Variants in ROBO1 observed in about 807,000 individuals in gnomAD.
ROBO1 encodes the protein roundabout guidance receptor 1.
A neutral mutation model predicts 195.9 loss-of-function variants in ROBO1; 149 were observed. The observed-to-expected ratio is 0.76, with a 90% CI of 0.67 to 0.87. ROBO1 has a LOEUF of 0.87. Ranked by LOEUF, ROBO1 falls within the 40% of genes least tolerant of loss-of-function variation. ROBO1 has a pLI of 0.00. For synonymous variants in ROBO1, 816 were observed against 733.2 expected (o/e 1.11, Z -1.82); for missense variants, 1,933 against 2,068.3 (o/e 0.93, Z 1.27).
intron 1 of ROBO1, among the ~76,000 whole-genome samples, chr3:79,683,831 C>T (rs1947021467): frequency 6.6e-6 from 1 of 151,964 alleles, no homozygotes; most frequent in Non-Finnish European, 1.5e-5. Context: ...ATACTGTATA[C>T]TGTGTATCTA....
intron 4 of ROBO1, among the ~76,000 whole-genome samples, chr3:78,830,226 C>T (rs2032031526): frequency 6.6e-6 from 1 of 152,174 alleles, no homozygotes. Flanking sequence ...CTACATTTCT[C>T]AGCATCAAAT....
chr3:78,985,313 A>G, intron 3 of ROBO1, among the ~76,000 whole-genome samples: 1 of 152,034 alleles, frequency 6.6e-6, no homozygotes, highest in East Asian at 1.9e-4. Flanking sequence ...AAATAATAAT[A>G]ATATTTTCTT....
chr3:79,516,788 A>G (rs1940963611), intron 2 of ROBO1, among the ~76,000 whole-genome samples: 1 of 152,240 alleles, frequency 6.6e-6, no homozygotes, highest in African/African-American at 2.4e-5. Context: ...TCTTGAATAT[A>G]TATTAATTCA....
intron 2 of ROBO1, among the ~76,000 whole-genome samples, chr3:79,545,934 G>C (rs978090760): frequency 1.3e-5 from 2 of 151,990 alleles, no homozygotes; most frequent in African/African-American, 4.8e-5. Context: ...GAATTGCATG[G>C]GTCCACTTAT....
intron 4 of ROBO1, among the ~76,000 whole-genome samples, chr3:78,795,394 T>C (rs2084154613): frequency 6.6e-6 from 1 of 152,222 alleles, no homozygotes; most frequent in African/African-American, 2.4e-5. Context: ...CCCTGGTTTA[T>C]ATTTCTTGAT....
chr3:78,827,858 C>G (rs958282441), intron 4 of ROBO1, among the ~76,000 whole-genome samples: 1 of 152,142 alleles, frequency 6.6e-6, no homozygotes, highest in Non-Finnish European at 1.5e-5. Flanking sequence ...ATCTTCTTTA[C>G]CAAAGTCTAC....
At chr3:79,618,809 T>C (rs1252128889) in intron 1 of ROBO1, among the ~76,000 whole-genome samples, 2 of 152,144 alleles carry the variant, frequency 1.3e-5, no homozygotes, top group Non-Finnish European at 2.9e-5. Flanking sequence ...CAATTTCAAA[T>C]TGGGTAAGTG....
intron 1 of ROBO1, among the ~76,000 whole-genome samples, chr3:79,663,717 T>C (rs908123131): frequency 1.3e-5 from 2 of 152,088 alleles, no homozygotes; most frequent in African/African-American, 4.8e-5. Flanking sequence ...TCTAGAGCAC[T>C]TGCCATAATC....
At chr3:79,426,966 T>C (rs190261785) in intron 2 of ROBO1, among the ~76,000 whole-genome samples, 42 of 152,268 alleles carry the variant, frequency 2.8e-4, no homozygotes, top group Admixed American at 2.1e-3. Flanking sequence ...ACAAAAAGTC[T>C]ATTAAAATTA....
chr3:79,304,226 G>C (rs1223872965), intron 2 of ROBO1, among the ~76,000 whole-genome samples: 2 of 152,120 alleles, frequency 1.3e-5, no homozygotes, highest in African/African-American at 2.4e-5. Flanking sequence ...ATTATCAAAT[G>C]AGTAACTAAC....
At chr3:79,336,816 G>A (rs1024285804) in intron 2 of ROBO1, among the ~76,000 whole-genome samples, 1 of 152,332 alleles carries the variant, frequency 6.6e-6, no homozygotes, top group East Asian at 1.9e-4. Flanking sequence ...TGGAAGGGGG[G>A]CTGTACCCTG....
Position 78,717,298 on chromosome 3 carries a change from A to G in ROBO1, c.894T>C (p.Asp298=). ...ACCTGGATTTGGGCAGCTCTCCATC[A>G]TCTTTCCTCCATCGTACTGTAGGTA... ...DPVPTVRWRK[D]DGELPKSRYE... is the part of the protein sequence containing the mutation. Residue 298 remains aspartate (D), a synonymous_variant, in exon 7 of 31, where the codon GAT becomes GAC. Coordinates refer to ENST00000464233, the MANE Select transcript of ROBO1 (RefSeq NM_002941.4). The G allele has an allele frequency of 6.3e-7, 1 of 1,583,906 alleles. No homozygotes were observed. The highest frequency in any genetic ancestry group is 8.6e-7 in the Non-Finnish European group (1 of 1,168,786).
chr3:79,399,817 A>G (rs1320074157), intron 2 of ROBO1, among the ~76,000 whole-genome samples: 1 of 152,178 alleles, frequency 6.6e-6, no homozygotes, highest in African/African-American at 2.4e-5. Context: ...ATTTATATAT[A>G]TGCATATAAA....
intron 5 of ROBO1, among the ~76,000 whole-genome samples, chr3:78,742,721 T>C (rs564218028): frequency 2.2e-4 from 33 of 152,336 alleles, no homozygotes; most frequent in African/African-American, 7.2e-4. Context: ...TTTGGCAGCA[T>C]GTAAATGATT....
chr3:79,695,749 TA>T (rs923478323), intron 1 of ROBO1, among the ~76,000 whole-genome samples: 34 of 151,470 alleles, frequency 2.2e-4, no homozygotes, highest in African/African-American at 8.2e-4. Context: ...TTAAGTCTTC[TA>T]AGAAGAAATT....
At chr3:79,339,850 TA>T (rs1381166918) in intron 2 of ROBO1, among the ~76,000 whole-genome samples, 10 of 152,212 alleles carry the variant, frequency 6.6e-5, no homozygotes, top group African/African-American at 2.2e-4. Context: ...TGGAGTTATT[TA>T]AAACAATTTA....
chr3:79,608,771 G>A (rs2107906516), intron 1 of ROBO1, among the ~76,000 whole-genome samples: 1 of 152,024 alleles, frequency 6.6e-6, no homozygotes, highest in African/African-American at 2.4e-5. Context: ...TAAAGTGTTT[G>A]ACTTCTTCCC....
At chr3:79,747,828 T>A (rs539591995) in intron 1 of ROBO1, among the ~76,000 whole-genome samples, 2 of 151,894 alleles carry the variant, frequency 1.3e-5, no homozygotes, top group South Asian at 4.1e-4. Flanking sequence ...TGAAAAATAA[T>A]GTACAAAAAA....
intron 2 of ROBO1, among the ~76,000 whole-genome samples, chr3:79,167,138 A>C (rs2108682089): frequency 6.6e-6 from 1 of 152,026 alleles, no homozygotes; most frequent in Non-Finnish European, 1.5e-5. Flanking sequence ...ACTGCTGATA[A>C]TATTGATTAT....
Sources: allele counts gnomAD v4.1 joint callset (sites outside exome capture counted in the v4.1 genomes callset), GRCh38; gene constraint gnomAD v4.1.1; transcripts MANE v1.5; gene names NCBI Gene and HGNC (gene_info 2026-07-23, HGNC 2026-07-21).